Variants in SRCAP observed in about 807,000 individuals in gnomAD.
The protein encoded by SRCAP is Snf2 related CREBBP activator protein, also known as chromatin remodeling protein SRCAP.
A neutral mutation model predicts 263.1 loss-of-function variants in SRCAP; 46 were observed. The observed-to-expected ratio is 0.17, with a 90% CI of 0.14 to 0.22. The LOEUF (loss-of-function observed/expected upper bound fraction) is 0.22, where lower values mean the gene tolerates loss of function less well. Ranked by LOEUF, SRCAP falls within the 10% of genes least tolerant of loss-of-function variation. The pLI, the probability that SRCAP is intolerant of heterozygous loss-of-function variation, is 1.00. For missense variants in SRCAP, 3,695 were observed against 4,181.9 expected (o/e 0.88, Z 3.21); for synonymous variants, 1,813 against 1,662.1 (o/e 1.09, Z -2.21).
chr16:30,722,054 C>T, intron 21 of SRCAP, 68 bp from the exon 22 acceptor site: 1 of 1,552,760 alleles, frequency 6.4e-7, no homozygotes, highest in South Asian at 1.2e-5. Flanking sequence ...AGGTGTGCTT[C>T]ATGGGGTCTG....
rs747728802 is a variant in SRCAP at position 30,711,950 on chromosome 16, A to T, written c.1608A>T (p.Ser536=). 4 of 1,614,010 alleles carry T rather than the reference A, an allele frequency of 2.5e-6. No homozygotes were observed. In the East Asian group the frequency reaches 6.7e-5, roughly 27 times the overall value. The change falls in exon 12 of 34, where the codon TCA becomes TCT. Residue 536 remains serine, a synonymous_variant. Transcript: ENST00000262518. ...CTGAAGAGTCTGAGGATGCCCAATCACAGAGCCAAGCAGATGAAGAGGAGG... is the reference window on the plus strand; with the variant it reads ...CTGAAGAGTCTGAGGATGCCCAATCTCAGAGCCAAGCAGATGAAGAGGAGG... ...SESEESEDAQ[S]QSQADEEEED...
chr16:30,723,455 T>G, intron 24 of SRCAP, 129 bp from the exon 25 acceptor site: 1 of 1,493,584 alleles, frequency 6.7e-7, no homozygotes, highest in East Asian at 2.3e-5. Context: ...ACTTGGATGT[T>G]TGACTTCATG....
Position 30,704,222 on chromosome 16 carries a change from G to A in SRCAP, c.213G>A (p.Leu71=). The A allele has an allele frequency of 6.2e-7, 1 of 1,614,192 alleles. No homozygotes were observed. Among genetic ancestry groups the A allele is most frequent in the Non-Finnish European group, 8.5e-7 (1 of 1,180,038 alleles). The change falls in exon 4 of 34, where the codon CTG becomes CTA. Residue 71 remains leucine, a synonymous_variant. Coordinates refer to ENST00000262518, the MANE Select transcript of SRCAP (RefSeq NM_006662.3). ...CCCCAGATGGTGCCACAGTGCCCCTGGAGGGGTTCAGCTTATCCCAGGCTG... is the reference window on the plus strand; with the variant it reads ...CCCCAGATGGTGCCACAGTGCCCCTAGAGGGGTTCAGCTTATCCCAGGCTG... ...PGPPDGATVP[L]EGFSLSQAAD... is the part of the protein sequence containing the mutation.
intron 3 of SRCAP, 46 bp from the exon 4 acceptor site, chr16:30,704,017 GC>G: frequency 6.4e-7 from 1 of 1,573,476 alleles, no homozygotes; most frequent in Non-Finnish European, 8.6e-7. Flanking sequence ...AAAACACTCA[GC>G]ACAGTGCGAA....
chr16:30,729,166 G>C lies in SRCAP; in HGVS notation c.5859G>C (p.Glu1953Asp). The C allele has an allele frequency of 6.2e-7, 1 of 1,614,046 alleles. No individual in the cohort carries two copies. The highest frequency in any genetic ancestry group is 8.5e-7 in the Non-Finnish European group (1 of 1,180,010). ...PSHPTFWTYT[E>D]AAHRAVLFPQ... ...ACCCCACCTTTTGGACTTATACCGA[G>C]GCTGCCCACCGGGCTGTACTGTTTC... Residue 1953 changes from glutamate to aspartate, a missense_variant, in exon 26 of 34, where the codon GAG becomes GAC. Physicochemically the swap from Glu to Asp is conservative, Grantham distance 45 (BLOSUM62 2). Around this residue, in one of 12 missense-constraint regions of SRCAP, gnomAD observed 1,347 missense variants for 1,304.4 expected, o/e 1.03. Coordinates refer to ENST00000262518, the MANE Select transcript of SRCAP (RefSeq NM_006662.3).
In SRCAP at chr16:30,738,476, T is replaced by G. The variant is rs778673514; in HGVS notation, c.8436T>G (p.Ala2812=). 1 of 1,589,784 alleles carries G rather than the reference T, an allele frequency of 6.3e-7. No homozygotes were observed. The highest frequency in any genetic ancestry group is 8.6e-7 in the Non-Finnish European group (1 of 1,167,550). ...CCATTGGTGGGCCCTGTGAAGCTGC[T>G]CCTTCATCCTCACTGCCCACTCCAC... ...SPPIGGPCEA[A]PSSSLPTPPQ... The change falls in exon 34 of 34, where the codon GCT becomes GCG. Residue 2812 remains alanine (A), a synonymous_variant. Transcript: ENST00000262518.
At position 30,736,286 on chromosome 16, in the gene SRCAP, T is replaced by C. The variant is rs144274898; in HGVS notation, c.6816T>C (p.Asn2272=). The change falls in exon 32 of 34, where the codon AAT becomes AAC. Residue 2272 remains asparagine (N), a synonymous_variant. Coordinates refer to ENST00000262518, the MANE Select transcript of SRCAP (RefSeq NM_006662.3). ...AGGTGGCTGAGCTTGCAGAATTTAA[T>C]GAGAACGATGGGTTTCCTGCTGGTG... ...AEQVAELAEF[N]ENDGFPAGEG... 4.5e-5 allele frequency: 73 copies of C among 1,614,186 alleles called. No homozygotes were observed. In the East Asian group the frequency reaches 1.6e-3, roughly 36 times the overall value.
chr16:30,740,047 A>G lies in SRCAP; in HGVS notation c.*314A>G, dbSNP rs1596671250. The stretch of plus-strand genomic sequence containing the variant: ...GCCCCCCACCCTTAGGGGAAGGGGG[A>G]GGGGCTTCTCTACAATGAGGTTTTT... On this transcript the variant is annotated 3_prime_UTR_variant, in exon 34 of 34. Transcript: ENST00000262518. 1 of 250,446 alleles carries G rather than the reference A, an allele frequency of 4.0e-6. No homozygotes were observed. The highest frequency in any genetic ancestry group is 7.5e-6 in the Non-Finnish European group (1 of 133,024). The allele number at this position is 250,446 out of a possible 1,614,324, so 15.5% of individuals were successfully genotyped here. A position where few individuals can be genotyped will look rare whatever the true frequency, so the allele number is the denominator to read the frequency against.
At chr16:30,719,704 G>C (rs1234162789) in intron 18 of SRCAP, among the ~76,000 whole-genome samples, 2 of 152,054 alleles carry the variant, frequency 1.3e-5, no homozygotes, top group Admixed American at 1.3e-4. Flanking sequence ...TGTAGAGACG[G>C]GGTCTTACTA....
intron 22 of SRCAP, 60 bp from the exon 23 acceptor site, chr16:30,722,503 C>T (rs1015463254): frequency 1.3e-6 from 2 of 1,591,808 alleles, no homozygotes; most frequent in African/African-American, 2.7e-5. Context: ...CTTGCCTTGC[C>T]TCTGCCCTCC....
At position 30,733,997 on chromosome 16, in the gene SRCAP, T is replaced by A. The variant is rs749536337; in HGVS notation, c.6598T>A (p.Tyr2200Asn). 8 of 1,608,260 alleles carry A rather than the reference T, an allele frequency of 5.0e-6. No individual in the cohort carries two copies. Among genetic ancestry groups the A allele is most frequent in the Non-Finnish European group, 6.8e-6 (8 of 1,177,028 alleles). The change falls in exon 30 of 34, where the codon TAT becomes AAT. Residue 2200 changes from tyrosine to asparagine, a missense_variant. By Grantham distance (143) the Tyr-to-Asn change is moderately radical. Around this residue, in one of 12 missense-constraint regions of SRCAP, gnomAD observed 138 missense variants for 254.9 expected, o/e 0.54. Transcript: ENST00000262518. This position sits in a 1 kb window ranked among gnomAD's most constrained non-coding sequence, Gnocchi z 5.3. Reference sequence around the variant, plus strand: ...TGAGGGAGGCAACTTCACCACAGCCTATTTCAAACAGGTACTAAGTAAGAT... The same window carrying A: ...TGAGGGAGGCAACTTCACCACAGCCAATTTCAAACAGGTACTAAGTAAGAT... ...AIEGGNFTTA[Y>N]FKQQTIRELF...
chr16:30,737,790 G>C lies in SRCAP; in HGVS notation c.7750G>C (p.Asp2584His). Reference protein sequence around the residue: ...TSSLSLVPPKDLLPVAVEILP... With the variant: ...TSSLSLVPPKHLLPVAVEILP... ...CTCACTTTCTCTTGTGCCCCCTAAA[G>C]ATCTGTTGCCAGTTGCTGTGGAGAT... The change falls in exon 34 of 34, where the codon GAT becomes CAT. Residue 2584 changes from aspartate to histidine, a missense_variant. This residue lies in a region of SRCAP where 1,207 missense variants were observed against 1,142.9 expected (regional missense o/e 1.06). Coordinates refer to ENST00000262518, the MANE Select transcript of SRCAP (RefSeq NM_006662.3). 6.2e-7 allele frequency: 1 copy of C among 1,614,164 alleles called. No individual in the cohort carries two copies. The highest frequency in any genetic ancestry group is 8.5e-7 in the Non-Finnish European group (1 of 1,180,038).
rs1214826542 is a variant in SRCAP at position 30,720,942 on chromosome 16, C to A, written c.3217C>A (p.Pro1073Thr). Residue 1073 changes from proline to threonine, a missense_variant, in exon 20 of 34, where the codon CCT becomes ACT. Coordinates refer to ENST00000262518, the MANE Select transcript of SRCAP (RefSeq NM_006662.3). ...ASRPPGPVLL[P>T]PLQPNSGSLP... is the part of the protein sequence containing the mutation. ...TCGGCCTCCTGGCCCTGTCCTCTTG[C>A]CTCCACTGCAGCCCAACAGTGGTTC... is the stretch of plus-strand genomic sequence containing the variant. 3 of 1,612,652 alleles carry A rather than the reference C, an allele frequency of 1.9e-6. No homozygotes were observed. Among genetic ancestry groups the A allele is most frequent in the African/African-American group, 1.3e-5 (1 of 75,064 alleles).
At position 30,723,176 on chromosome 16, in the gene SRCAP, C is replaced by G. The variant is rs755241922; in HGVS notation, c.4106C>G (p.Thr1369Ser). ...GCTCGAGCCCCCATGCCCACACCCA[C>G]TCTGGTGAGGCCTCTTCTCAAGCTG... is the stretch of plus-strand genomic sequence containing the variant. ...GTARAPMPTP[T>S]LVRPLLKLVH... Residue 1369 changes from threonine (T) to serine (S), a missense_variant, in exon 24 of 34, where the codon ACT (threonine) becomes AGT (serine). Around this residue, in one of 12 missense-constraint regions of SRCAP, gnomAD observed 1,347 missense variants for 1,304.4 expected, o/e 1.03. Coordinates refer to ENST00000262518, the MANE Select transcript of SRCAP (RefSeq NM_006662.3). 2 of 1,614,140 alleles carry G rather than the reference C, an allele frequency of 1.2e-6. No homozygotes were observed. Among genetic ancestry groups the G allele is most frequent in the South Asian group, 1.1e-5 (1 of 91,078 alleles).
At position 30,736,530 on chromosome 16, in the gene SRCAP, C is replaced by T. The variant is rs1274124135; in HGVS notation, c.6925-11C>T. On this transcript the variant is annotated splice_polypyrimidine_tract_variant and intron_variant, in intron 32 of 33. Transcript: ENST00000262518. ...GGTTCCTAAGTTTATCACCACCGCT[C>T]CTCCTTGCAGCTGACCCCCATTGAG... is the stretch of plus-strand genomic sequence containing the variant. 9 of 1,614,098 alleles carry T rather than the reference C, an allele frequency of 5.6e-6. No homozygotes were observed. Among genetic ancestry groups the T allele is most frequent in the South Asian group, 3.3e-5 (3 of 91,064 alleles).
chr16:30,713,673 C>G lies in SRCAP; in HGVS notation c.2455C>G (p.Gln819Glu). Residue 819 changes from glutamine to glutamate, a missense_variant, in exon 16 of 34, where the codon CAA (glutamine) becomes GAA (glutamate). By Grantham distance (29) the Gln-to-Glu change is conservative. Around this residue, in one of 12 missense-constraint regions of SRCAP, gnomAD observed 121 missense variants for 330.7 expected, o/e 0.37. Coordinates refer to ENST00000262518, the MANE Select transcript of SRCAP (RefSeq NM_006662.3). ...CCTAACTGGCATGATTGAGGGCAGC[C>G]AAGAGTATAATGAAGGTCTAGTCAA... is the stretch of plus-strand genomic sequence containing the variant. ...NPLTGMIEGS[Q>E]EYNEGLVKRL... The G allele has an allele frequency of 6.2e-7, 1 of 1,614,022 alleles. No homozygotes were observed. The highest frequency in any genetic ancestry group is 1.1e-5 in the South Asian group (1 of 91,072).
rs759189010 is a variant in SRCAP, at chr16:30,710,718, C to T, written c.1135-36C>T. ...TGTGCCATTCTTCTGCTACTGTAAC[C>T]TTAGACCCTTCCCTTTTTTATCTTT... On this transcript the variant is annotated intron_variant, in intron 8 of 33. Transcript: ENST00000262518. 1.1e-5 allele frequency: 18 copies of T among 1,608,746 alleles called. No homozygotes were observed. The Admixed American group carries it at 1.7e-4, about 15-fold the overall frequency.
In SRCAP at chr16:30,731,509, TA is replaced by T. The variant is rs556997662; in HGVS notation, c.6128-1763del. ...AATATGTGTTCAATAAATGTTTTAG[TA>T]AAAAAAAGTGTTTTTGTTACATTTG... is the stretch of plus-strand genomic sequence containing the variant. On this transcript the variant is annotated intron_variant, in intron 27 of 33. Transcript: ENST00000262518. Among the ~76,000 whole-genome samples, 7 of 152,150 alleles carry T rather than the reference TA, an allele frequency of 4.6e-5. No homozygotes were observed. The South Asian group carries it at 8.3e-4, about 18-fold the overall frequency.
In SRCAP at chr16:30,724,861, A is replaced by G; in HGVS notation, c.5437A>G (p.Thr1813Ala). ...AQTLALAPAS[T>A]QSPASQASSL... ...GACCTTGGCGCTGGCCCCAGCCTCC[A>G]CACAGTCCCCAGCTTCCCAGGCATC... Residue 1813 changes from threonine to alanine, a missense_variant, in exon 25 of 34, where the codon ACA (threonine) becomes GCA (alanine). Physicochemically the swap from Thr to Ala is moderately conservative, Grantham distance 58. This residue lies in a region of SRCAP where 1,347 missense variants were observed against 1,304.4 expected (regional missense o/e 1.03). Transcript: ENST00000262518. 2 of 1,614,120 alleles carry G rather than the reference A, an allele frequency of 1.2e-6. No individual in the cohort carries two copies. Among genetic ancestry groups the G allele is most frequent in the East Asian group, 4.5e-5 (2 of 44,874 alleles).
Sources: allele counts gnomAD v4.1 joint callset (sites outside exome capture counted in the v4.1 genomes callset), GRCh38; gene constraint gnomAD v4.1.1; regional missense constraint gnomAD v4.1.1; non-coding constraint Gnocchi (gnomAD v3.1); transcripts MANE v1.5; gene names NCBI Gene and HGNC (gene_info 2026-07-23, HGNC 2026-07-21).